Variants in TRHDE observed in about 807,000 individuals in gnomAD.
TRHDE encodes thyrotropin releasing hormone degrading enzyme.
In TRHDE, 72 loss-of-function variants were observed where a neutral mutation model predicts 125.7. The observed-to-expected ratio is 0.57, with a 90% CI of 0.47 to 0.70. The LOEUF (loss-of-function observed/expected upper bound fraction) is 0.70. Ranked by LOEUF, TRHDE falls within the 30% of genes least tolerant of loss-of-function variation. The pLI is 0.00. For synonymous variants in TRHDE, 509 were observed against 509.1 expected (o/e 1.00, Z 0.00); for missense variants, 1,110 against 1,327.1 (o/e 0.84, Z 2.54).
intron 2 of TRHDE, among the ~76,000 whole-genome samples, chr12:72,249,334 A>G (rs1453332443): frequency 6.6e-6 from 1 of 152,210 alleles, no homozygotes; most frequent in Non-Finnish European, 1.5e-5. Context: ...AAACTCAGTC[A>G]TAAGAAGAGA....
At chr12:72,151,047 A>C (rs1054775732) in intron 2 of TRHDE, among the ~76,000 whole-genome samples, 27 of 152,136 alleles carry the variant, frequency 1.8e-4, no homozygotes, top group African/African-American at 4.3e-4. Flanking sequence ...TCTCCACATC[A>C]TCTCCAGCAC....
intron 2 of TRHDE, among the ~76,000 whole-genome samples, chr12:72,136,703 G>A (rs1406901963): frequency 6.6e-6 from 1 of 152,222 alleles, no homozygotes; most frequent in Admixed American, 6.5e-5. Context: ...ATATCCAATT[G>A]AAGGGGAATA....
chr12:72,490,662 A>G (rs915637273), intron 5 of TRHDE, among the ~76,000 whole-genome samples: 6 of 151,512 alleles, frequency 4.0e-5, no homozygotes, highest in Middle Eastern at 3.4e-3. Context: ...GCCATTTGTC[A>G]TACCATGGAT....
chr12:72,465,149 G>A (rs748480678), intron 3 of TRHDE, among the ~76,000 whole-genome samples: 11 of 151,654 alleles, frequency 7.3e-5, no homozygotes, highest in Admixed American at 2.0e-4. Flanking sequence ...AATTTAATTC[G>A]TTGTGAATTA....
intron 2 of TRHDE, among the ~76,000 whole-genome samples, chr12:72,259,564 A>G (rs1167595321): frequency 6.6e-6 from 1 of 152,176 alleles, no homozygotes; most frequent in Non-Finnish European, 1.5e-5. Flanking sequence ...ATACAGACAC[A>G]CACTTAAATC....
chr12:72,382,627 C>G (rs775957816), intron 3 of TRHDE, among the ~76,000 whole-genome samples: 13 of 152,268 alleles, frequency 8.5e-5, no homozygotes, highest in Admixed American at 3.3e-4. Flanking sequence ...CAGGAAGACT[C>G]TCTACCAGTT....
intron 15 of TRHDE, among the ~76,000 whole-genome samples, chr12:72,642,162 TATA>T (rs1221876403): frequency 6.6e-6 from 1 of 152,192 alleles, no homozygotes; most frequent in Non-Finnish European, 1.5e-5. Flanking sequence ...TTCTATTGTT[TATA>T]AGCCTCCCAG....
At chr12:72,632,997 C>G (rs950465741) in intron 15 of TRHDE, among the ~76,000 whole-genome samples, 33 of 152,060 alleles carry the variant, frequency 2.2e-4, no homozygotes, top group African/African-American at 7.2e-4. Context: ...GATCTTATAG[C>G]CCAGCTACTT....
At chr12:72,309,954 A>G (rs1868462031) in intron 2 of TRHDE, among the ~76,000 whole-genome samples, 3 of 152,228 alleles carry the variant, frequency 2.0e-5, no homozygotes, top group Non-Finnish European at 4.4e-5. Context: ...TTAAAACAAA[A>G]CAGTGAAACG....
chr12:72,386,169 G>T (rs2135785726), intron 3 of TRHDE, among the ~76,000 whole-genome samples: 1 of 151,992 alleles, frequency 6.6e-6, no homozygotes. Flanking sequence ...CACAACTTTG[G>T]GTTTACTCCT....
intron 12 of TRHDE, among the ~76,000 whole-genome samples, chr12:72,591,632 G>GTTTTTTTTTTTTTTTTTT (rs71071842): frequency 5.6e-5 from 7 of 125,442 alleles, no homozygotes; most frequent in East Asian, 2.5e-4. Context: ...AAGGATATGG[G>GTTTTTTTTTTTTTTTTTT]TTTTTTTTTT....
intron 2 of TRHDE, among the ~76,000 whole-genome samples, chr12:72,221,636 T>C (rs1878002533): frequency 6.6e-6 from 1 of 152,004 alleles, no homozygotes; most frequent in Non-Finnish European, 1.5e-5. Context: ...CACAAGAATA[T>C]GAACATATTT....
chr12:72,280,790 A>G (rs1394922082), intron 1 of TRHDE, among the ~76,000 whole-genome samples: 1 of 152,210 alleles, frequency 6.6e-6, no homozygotes, highest in Non-Finnish European at 1.5e-5. Flanking sequence ...CAAGAAGAAA[A>G]GCCTTAAGTA....
intron 5 of TRHDE, among the ~76,000 whole-genome samples, chr12:72,495,996 A>T (rs1274945788): frequency 1.3e-5 from 2 of 152,218 alleles, no homozygotes; most frequent in African/African-American, 4.8e-5. Context: ...GGTGGAATTT[A>T]TGGTTACTGT....
At chr12:72,102,357 C>T (rs1438712491) in intron 1 of TRHDE, among the ~76,000 whole-genome samples, 1 of 152,120 alleles carries the variant, frequency 6.6e-6, no homozygotes, top group East Asian at 1.9e-4. Flanking sequence ...AGACTCTCCA[C>T]ACGTGGCAGA....
At chr12:72,494,426 T>G (rs186306907) in intron 5 of TRHDE, among the ~76,000 whole-genome samples, 1 of 152,204 alleles carries the variant, frequency 6.6e-6, no homozygotes, top group Admixed American at 6.5e-5. Flanking sequence ...GTCTCTGGTT[T>G]GATGTATCTG....
At chr12:72,483,226 C>A (rs1877255140) in intron 5 of TRHDE, among the ~76,000 whole-genome samples, 1 of 151,672 alleles carries the variant, frequency 6.6e-6, no homozygotes, top group South Asian at 2.1e-4. Context: ...ACCTATTTTA[C>A]CAATTTAGTT....
chr12:72,113,987 T>C (rs1289090858), intron 2 of TRHDE, among the ~76,000 whole-genome samples: 1 of 151,156 alleles, frequency 6.6e-6, no homozygotes, highest in Non-Finnish European at 1.5e-5. Flanking sequence ...TTACCTTAGA[T>C]TTTTTTTTCT....
chr12:72,375,435 A>G (rs964326038), intron 2 of TRHDE, among the ~76,000 whole-genome samples: 2 of 152,180 alleles, frequency 1.3e-5, no homozygotes, highest in Non-Finnish European at 2.9e-5. Context: ...AAGCAGATTA[A>G]TTTAATTGTG....
Sources: allele counts gnomAD v4.1 joint callset (sites outside exome capture counted in the v4.1 genomes callset), GRCh38; gene constraint gnomAD v4.1.1; transcripts MANE v1.5; gene names NCBI Gene and HGNC (gene_info 2026-07-23, HGNC 2026-07-21).